LRRC1: variants seen among roughly 807,000 people sequenced by gnomAD.
LRRC1 encodes the protein leucine-rich repeat-containing protein 1.
LRRC1 carries 28 observed loss-of-function variants against 69.9 expected under a neutral mutation model. The ratio of observed to expected loss-of-function variants is 0.40; its 90% CI spans 0.30 to 0.55. The LOEUF (loss-of-function observed/expected upper bound fraction) is 0.55. Among genes scored for constraint, LRRC1 ranks in the 20% least tolerant of loss-of-function variants. LRRC1 has a pLI of 0.47. For missense variants in LRRC1, 498 were observed against 609.0 expected (o/e 0.82, Z 1.92); for synonymous variants, 236 against 240.2 (o/e 0.98, Z 0.16).
chr6:53,874,508 A>G (rs1235260201), intron 2 of LRRC1, among the ~76,000 whole-genome samples: 5 of 152,178 alleles, frequency 3.3e-5, no homozygotes, highest in Admixed American at 2.6e-4. Context: ...TCATTTGACC[A>G]TGCAAGGCAG....
intron 7 of LRRC1, 66 bp downstream of exon 7, chr6:53,897,425 C>A: frequency 8.7e-7 from 1 of 1,143,040 alleles, no homozygotes; most frequent in Non-Finnish European, 1.3e-6. Flanking sequence ...TGTGTATTTC[C>A]TGCTGCCACA....
At chr6:53,908,956 A>G (rs1000875404) in intron 10 of LRRC1, among the ~76,000 whole-genome samples, 1 of 152,224 alleles carries the variant, frequency 6.6e-6, no homozygotes, top group Non-Finnish European at 1.5e-5. Context: ...GGAAATATAT[A>G]TTATCATGTA....
chr6:53,816,794 T>TTG (rs1243102507), intron 1 of LRRC1, among the ~76,000 whole-genome samples: 1 of 152,218 alleles, frequency 6.6e-6, no homozygotes, highest in Non-Finnish European at 1.5e-5. Flanking sequence ...CCTCTGCAAC[T>TTG]TGTGAATACT....
intron 2 of LRRC1, among the ~76,000 whole-genome samples, chr6:53,874,387 A>C (rs1453875035): frequency 6.6e-6 from 1 of 151,968 alleles, no homozygotes; most frequent in Non-Finnish European, 1.5e-5. Context: ...GTGAAAAACA[A>C]ACACTATGGT....
intron 1 of LRRC1, among the ~76,000 whole-genome samples, chr6:53,835,970 A>G (rs1765602091): frequency 6.6e-6 from 1 of 152,130 alleles, no homozygotes; most frequent in Admixed American, 6.5e-5. Flanking sequence ...GCTTTGACCA[A>G]TTTCCATTGG....
intron 1 of LRRC1, among the ~76,000 whole-genome samples, chr6:53,818,825 C>CTCATT (rs969063783): frequency 1.3e-5 from 2 of 152,294 alleles, no homozygotes; most frequent in South Asian, 4.1e-4. Context: ...GATACTTAAC[C>CTCATT]TCATTTCATT....
intron 2 of LRRC1, among the ~76,000 whole-genome samples, chr6:53,854,062 C>T (rs543278989): frequency 1.3e-5 from 2 of 152,186 alleles, no homozygotes; most frequent in Non-Finnish European, 2.9e-5. Flanking sequence ...TTTCCATAGT[C>T]ATATCTTCTC....
At chr6:53,852,288 T>C (rs1766162811) in intron 2 of LRRC1, among the ~76,000 whole-genome samples, 1 of 152,248 alleles carries the variant, frequency 6.6e-6, no homozygotes, top group Non-Finnish European at 1.5e-5. Context: ...GTATAGATGC[T>C]GTAATTCTAT....
chr6:53,863,601 T>G (rs891379076), intron 2 of LRRC1, among the ~76,000 whole-genome samples: 1 of 152,214 alleles, frequency 6.6e-6, no homozygotes, highest in Non-Finnish European at 1.5e-5. Context: ...ATTTTCCAGA[T>G]AAGTCAAACC....
chr6:53,845,096 C>A (rs1765901210), intron 2 of LRRC1, among the ~76,000 whole-genome samples: 1 of 152,144 alleles, frequency 6.6e-6, no homozygotes, highest in Non-Finnish European at 1.5e-5. Context: ...CCCAGCTCCT[C>A]AGGAGGCTGG....
At chr6:53,852,463 C>A (rs1047641732) in intron 2 of LRRC1, among the ~76,000 whole-genome samples, 1 of 152,162 alleles carries the variant, frequency 6.6e-6, no homozygotes, top group South Asian at 2.1e-4. Context: ...CATATGCCAG[C>A]CATTGTCCTG....
chr6:53,922,792 A>T lies in LRRC1; in HGVS notation c.1574A>T (p.Ter525LeuextTer31). 1 of 1,611,614 alleles carries T rather than the reference A, an allele frequency of 6.2e-7. No individual in the cohort carries two copies. The highest frequency in any genetic ancestry group is 8.5e-7 in the Non-Finnish European group (1 of 1,178,430). ...HAIDRVTTSV[*>L] The stretch of plus-strand genomic sequence containing the variant: ...ATTGACCGAGTGACCACTTCTGTGT[A>T]GAGTTTCACCTCCAAGTTTTACCTC... Residue 525 changes from the stop codon to leucine (L), a stop_lost, in exon 14 of 14, where the codon TAG (stop) becomes TTG (leucine). Coordinates refer to ENST00000370888, the MANE Select transcript of LRRC1 (RefSeq NM_018214.5).
Position 53,923,624 on chromosome 6 carries a change from C to CT in LRRC1, c.*838dup, listed in dbSNP as rs1768803247. On this transcript the variant is annotated 3_prime_UTR_variant, in exon 14 of 14. Coordinates refer to ENST00000370888, the MANE Select transcript of LRRC1 (RefSeq NM_018214.5). Reference sequence around the variant, plus strand: ...GACTGCTAATATTTTATTCCTTACACTTTTTTTCTGAATAAGTCTCTCATA... The same window carrying CT: ...GACTGCTAATATTTTATTCCTTACACTTTTTTTTCTGAATAAGTCTCTCATA... 1 of 152,608 alleles carries CT rather than the reference C, an allele frequency of 6.6e-6. No individual in the cohort carries two copies. The highest frequency in any genetic ancestry group is 2.4e-5 in the African/African-American group (1 of 41,448). 9.5% of individuals were successfully genotyped at this position (152,608 alleles called of 1,614,324 possible).
intron 1 of LRRC1, among the ~76,000 whole-genome samples, chr6:53,826,150 T>C (rs6458965): frequency 0.83 from 124,655 of 150,264 alleles, 51,945 homozygotes; most frequent in East Asian, 0.96. Context: ...CCTGCCTACG[T>C]GTGGGCTTGC....
intron 1 of LRRC1, among the ~76,000 whole-genome samples, chr6:53,810,445 C>G (rs957671212): frequency 6.6e-6 from 1 of 152,066 alleles, no homozygotes; most frequent in Non-Finnish European, 1.5e-5. Flanking sequence ...ATGGTGAAAC[C>G]GTGTCTCTAC....
chr6:53,797,520 C>T (rs1764337166), intron 1 of LRRC1, among the ~76,000 whole-genome samples: 1 of 152,140 alleles, frequency 6.6e-6, no homozygotes, highest in African/African-American at 2.4e-5. Context: ...CTTATTACCA[C>T]TGGTCTCTGC....
chr6:53,835,771 A>G (rs544926685), intron 1 of LRRC1, among the ~76,000 whole-genome samples: 3 of 152,334 alleles, frequency 2.0e-5, no homozygotes, highest in South Asian at 2.1e-4. Context: ...ATAATCAACC[A>G]TAGAATTTTG....
intron 6 of LRRC1, 134 bp from the exon 7 acceptor site, chr6:53,897,151 G>A: frequency 4.5e-6 from 3 of 659,850 alleles, no homozygotes; most frequent in Non-Finnish European, 7.7e-6. Flanking sequence ...AAAGGGGCTG[G>A]ATGTTAAGAG....
intron 1 of LRRC1, among the ~76,000 whole-genome samples, chr6:53,834,293 T>A (rs750207658): frequency 3.2e-4 from 48 of 152,228 alleles, no homozygotes; most frequent in Non-Finnish European, 6.3e-4. Context: ...TGGATTGGTT[T>A]GGCAGCAACC....
Sources: allele counts gnomAD v4.1 joint callset (sites outside exome capture counted in the v4.1 genomes callset), GRCh38; gene constraint gnomAD v4.1.1; transcripts MANE v1.5; gene names NCBI Gene and HGNC (gene_info 2026-07-23, HGNC 2026-07-21).